The following SBNO1 variants were observed in gnomAD, a reference collection of about 807,000 sequenced individuals.
SBNO1 encodes the protein strawberry notch homolog 1.
Under a neutral mutation model 173.6 loss-of-function variants are expected in SBNO1, and 23 were observed. The ratio of observed to expected loss-of-function variants is 0.13; its 90% CI spans 0.10 to 0.19. The LOEUF is 0.19. Among genes scored for constraint, SBNO1 ranks in the 10% least tolerant of loss-of-function variants. SBNO1 has a pLI of 1.00. For synonymous variants in SBNO1, 632 were observed against 571.5 expected, an observed-to-expected ratio of 1.11 and a Z score of -1.51; for missense variants, 1,238 against 1,671.2, an observed-to-expected ratio of 0.74 and a Z score of 4.52.
At chr12:123,322,894 GA>G (rs973105596) in intron 16 of SBNO1, among the ~76,000 whole-genome samples, 1 of 133,406 alleles carries the variant, frequency 7.5e-6, no homozygotes, top group African/African-American at 2.7e-5. Context: ...AAAAAAAAAA[GA>G]AAAAAAAAGA....
chr12:123,317,766 A>C (rs1869456123), intron 20 of SBNO1, among the ~76,000 whole-genome samples: 3 of 152,154 alleles, frequency 2.0e-5, no homozygotes, highest in African/African-American at 7.2e-5. Flanking sequence ...CACCTACCCA[A>C]ATGTGTCCAT....
In SBNO1 at chr12:123,296,123, C is replaced by T. The variant is rs1235445008; in HGVS notation, c.4040-73G>A. The T allele has an allele frequency of 9.5e-6, 8 of 844,928 alleles. No homozygotes were observed. In the African/African-American group the frequency reaches 1.0e-4, roughly 11 times the overall value. The allele number at this position is 844,928 out of a possible 1,614,324, so 52.3% of individuals were successfully genotyped here. A position where few individuals can be genotyped will look rare whatever the true frequency, so the allele number is the denominator to read the frequency against. ...CACTGTACAGCTTCACAGCAGATTC[C>T]AAATGAGGCATAATATTAAGCGTAA... On this transcript the variant is annotated intron_variant, in intron 31 of 31. Transcript: ENST00000602398.
In SBNO1 at chr12:123,291,295, A is replaced by G. The variant is rs1038439619; in HGVS notation, c.*4613T>C. The G allele has an allele frequency of 1.3e-5, 2 of 152,214 alleles. No individual in the cohort carries two copies. The highest frequency in any genetic ancestry group is 4.8e-5 in the African/African-American group (2 of 41,458). 9.4% of individuals were successfully genotyped at this position (152,214 alleles called of 1,614,324 possible). On this transcript the variant is annotated 3_prime_UTR_variant, in exon 32 of 32. Transcript: ENST00000602398. The stretch of plus-strand genomic sequence containing the variant: ...TTTCCTATCAGGTGGGAAGACAGAG[A>G]TAAGAAATATGGTAAGGCCTGAAAA...
intron 1 of SBNO1, among the ~76,000 whole-genome samples, chr12:123,362,557 C>T (rs566957518): frequency 1.3e-5 from 2 of 149,000 alleles, no homozygotes; most frequent in African/African-American, 2.5e-5. Context: ...CTTGAGGTCA[C>T]TAGTGTGAGA....
chr12:123,298,998 A>G (rs2048693852), intron 30 of SBNO1, among the ~76,000 whole-genome samples: 1 of 151,976 alleles, frequency 6.6e-6, no homozygotes. Context: ...TGAGGCATGC[A>G]GACAGCTTGA....
chr12:123,328,663 T>G, intron 10 of SBNO1, 71 bp downstream of exon 10: 1 of 1,185,674 alleles, frequency 8.4e-7, no homozygotes, highest in South Asian at 2.4e-5. Context: ...AGATTCCTGT[T>G]TCCCAAAGGT....
intron 29 of SBNO1, among the ~76,000 whole-genome samples, chr12:123,303,833 A>T (rs1016096601): frequency 2.0e-5 from 3 of 150,106 alleles, no homozygotes; most frequent in African/African-American, 4.9e-5. Flanking sequence ...GACCTCATTT[A>T]AAAAAAAAGA....
At chr12:123,330,636 C>T (rs1210855297) in intron 8 of SBNO1, 127 bp from the exon 9 acceptor site, 2 of 439,752 alleles carry the variant, frequency 4.5e-6, no homozygotes, top group Non-Finnish European at 7.2e-6. Context: ...AATACACTTA[C>T]TCATTAAAAC....
chr12:123,346,223 A>G (rs1472450821), intron 3 of SBNO1, among the ~76,000 whole-genome samples: 6 of 152,106 alleles, frequency 3.9e-5, no homozygotes, highest in Non-Finnish European at 5.9e-5. Context: ...GCCTTGGCAA[A>G]ATAGCAAGAC....
At chr12:123,359,355 G>A (rs1284971799) in intron 1 of SBNO1, among the ~76,000 whole-genome samples, 1 of 151,686 alleles carries the variant, frequency 6.6e-6, no homozygotes, top group South Asian at 2.1e-4. Context: ...GACCAGCCTG[G>A]CCAACATATA....
intron 7 of SBNO1, among the ~76,000 whole-genome samples, chr12:123,332,984 C>T (rs1043369011): frequency 6.6e-5 from 10 of 152,070 alleles, no homozygotes; most frequent in African/African-American, 1.7e-4. Flanking sequence ...ATTAGCCGGG[C>T]GTGGCGGTGG....
At chr12:123,315,472 G>A (rs1346057692) in intron 22 of SBNO1, 28 bp from the exon 23 acceptor site, 1 of 1,598,682 alleles carries the variant, frequency 6.3e-7, no homozygotes, top group Admixed American at 1.7e-5. Context: ...TTCAATCAAG[G>A]CACAGGTAAC....
chr12:123,310,997 T>C, intron 25 of SBNO1, 58 bp downstream of exon 25: 1 of 1,217,754 alleles, frequency 8.2e-7, no homozygotes, highest in South Asian at 1.2e-5. Context: ...GCATATATCA[T>C]AATGGACTTT....
intron 30 of SBNO1, among the ~76,000 whole-genome samples, chr12:123,300,337 C>T (rs1313286203): frequency 6.6e-6 from 1 of 152,168 alleles, no homozygotes; most frequent in Non-Finnish European, 1.5e-5. Flanking sequence ...CTAGGAGCCA[C>T]TGCACTGTCC....
In SBNO1 at chr12:123,341,045, T is replaced by C. The variant is rs1373662604; in HGVS notation, c.594A>G (p.Lys198=). 7.5e-6 allele frequency: 12 copies of C among 1,604,258 alleles called. No individual in the cohort carries two copies. Among genetic ancestry groups the C allele is most frequent in the Non-Finnish European group, 1.0e-5 (12 of 1,175,624 alleles). ...NGTVKKESSN[K]EGARMWINDM... ...CGTTTATCCACATTCTAGCTCCTTC[T>C]TTATTAGAAGACTCTTTCTTTACTG... The change falls in exon 5 of 32, where the codon AAA becomes AAG. Residue 198 remains lysine, a synonymous_variant. Transcript: ENST00000602398.
chr12:123,361,728 C>CT (rs1262730478), intron 1 of SBNO1, among the ~76,000 whole-genome samples: 131 of 10,758 alleles, frequency 0.012, no homozygotes, highest in African/African-American at 0.047. Context: ...GCAAGACAGT[C>CT]TAAAAAAAAA....
intron 2 of SBNO1, among the ~76,000 whole-genome samples, chr12:123,348,641 C>T (rs1263664570): frequency 6.6e-6 from 1 of 152,090 alleles, no homozygotes; most frequent in Admixed American, 6.6e-5. Flanking sequence ...TGGTGGGCGC[C>T]TGTAGTCCCA....
intron 1 of SBNO1, among the ~76,000 whole-genome samples, chr12:123,354,969 C>A (rs951317011): frequency 3.9e-5 from 6 of 152,312 alleles, no homozygotes; most frequent in Non-Finnish European, 7.4e-5. Context: ...GAAGGAGGAT[C>A]ACTTCAGTCC....
intron 1 of SBNO1, among the ~76,000 whole-genome samples, chr12:123,361,238 C>T (rs573234050): frequency 2.7e-5 from 4 of 150,094 alleles, no homozygotes; most frequent in African/African-American, 2.5e-5. Context: ...AGTGAGACTC[C>T]GTCTCAAAAA....
Sources: gnomAD v4.1 joint callset for allele counts (sites outside exome capture counted in the v4.1 genomes callset) on GRCh38, gnomAD v4.1.1 for gene constraint, MANE v1.5 for transcripts, NCBI Gene and HGNC (gene_info 2026-07-23, HGNC 2026-07-21) for gene names.